CNTNAP2: variants seen among roughly 807,000 people sequenced by gnomAD.
CNTNAP2 encodes contactin-associated protein-like 2.
In CNTNAP2, 98 loss-of-function variants were observed where a neutral mutation model predicts 155.2. The ratio of observed to expected loss-of-function variants is 0.63; its 90% CI spans 0.54 to 0.75. CNTNAP2 has a LOEUF of 0.75. Ranked by LOEUF, CNTNAP2 falls within the 30% of genes least tolerant of loss-of-function variation. The probability of loss-of-function intolerance (pLI) is 0.00; values close to 1 mark genes in which losing one functional copy is unlikely to be tolerated. For synonymous variants in CNTNAP2, 651 were observed against 631.2 expected, an observed-to-expected ratio of 1.03 and a Z score of -0.47; for missense variants, 1,727 against 1,688.1, an observed-to-expected ratio of 1.02 and a Z score of -0.40.
intron 11 of CNTNAP2, among the ~76,000 whole-genome samples, chr7:147,529,123 A>G (rs1348472913): frequency 6.6e-6 from 1 of 152,234 alleles, no homozygotes; most frequent in Non-Finnish European, 1.5e-5. Flanking sequence ...TATACCCTTG[A>G]GAGCTTGTAG....
intron 11 of CNTNAP2, among the ~76,000 whole-genome samples, chr7:147,522,148 T>A (rs1799239358): frequency 6.6e-6 from 1 of 152,176 alleles, no homozygotes; most frequent in East Asian, 1.9e-4. Context: ...AGGGCACTAA[T>A]TCCACCTGTG....
At chr7:146,187,463 G>A (rs1436236545) in intron 1 of CNTNAP2, among the ~76,000 whole-genome samples, 5 of 152,142 alleles carry the variant, frequency 3.3e-5, no homozygotes, top group African/African-American at 1.2e-4. Context: ...ATACTATGTG[G>A]AAAAATTCTG....
At chr7:146,539,341 G>A (rs1797916986) in intron 1 of CNTNAP2, among the ~76,000 whole-genome samples, 1 of 151,902 alleles carries the variant, frequency 6.6e-6, no homozygotes, top group Non-Finnish European at 1.5e-5. Context: ...AAATTTGCAA[G>A]CATTTTAGCC....
intron 1 of CNTNAP2, among the ~76,000 whole-genome samples, chr7:146,731,706 T>C (rs1801528657): frequency 6.6e-6 from 1 of 152,168 alleles, no homozygotes; most frequent in Non-Finnish European, 1.5e-5. Flanking sequence ...GATAGAAGTG[T>C]GTTTTTAACG....
At chr7:146,575,649 G>A (rs1208275934) in intron 1 of CNTNAP2, among the ~76,000 whole-genome samples, 1 of 152,166 alleles carries the variant, frequency 6.6e-6, no homozygotes, top group African/African-American at 2.4e-5. Flanking sequence ...GGTGGAAAAG[G>A]CCAGATTGCC....
In CNTNAP2 at chr7:148,416,274, A is replaced by C. The variant is rs1563081102; in HGVS notation, c.*658A>C. On this transcript the variant is annotated 3_prime_UTR_variant, in exon 24 of 24. Transcript: ENST00000361727. Reference sequence around the variant, plus strand: ...CATGGCACCTGGTGTGTAACGACACAATCAGCACAACTGGAGAGAGGCATT... The same window carrying C: ...CATGGCACCTGGTGTGTAACGACACCATCAGCACAACTGGAGAGAGGCATT... 1 of 152,834 alleles carries C rather than the reference A, an allele frequency of 6.5e-6. No individual in the cohort carries two copies. The highest frequency in any genetic ancestry group is 1.5e-5 in the Non-Finnish European group (1 of 68,516). 9.5% of individuals were successfully genotyped at this position (152,834 alleles called of 1,614,324 possible).
At chr7:147,953,032 A>G (rs1006099448) in intron 14 of CNTNAP2, among the ~76,000 whole-genome samples, 7 of 152,190 alleles carry the variant, frequency 4.6e-5, no homozygotes, top group African/African-American at 1.7e-4. Context: ...TGGCGTAATG[A>G]GTTTTCCCCA....
chr7:148,320,701 T>C (rs953189473), intron 21 of CNTNAP2, among the ~76,000 whole-genome samples: 7 of 152,084 alleles, frequency 4.6e-5, no homozygotes, highest in Non-Finnish European at 8.8e-5. Flanking sequence ...AATTTTTAGG[T>C]TCCCACTATT....
intron 8 of CNTNAP2, among the ~76,000 whole-genome samples, chr7:147,156,005 G>T (rs911502053): frequency 6.6e-6 from 1 of 152,064 alleles, no homozygotes; most frequent in Non-Finnish European, 1.5e-5. Flanking sequence ...GACCATTTTT[G>T]TGGCAACACT....
intron 1 of CNTNAP2, among the ~76,000 whole-genome samples, chr7:146,216,809 T>C (rs1055735034): frequency 5.3e-5 from 8 of 152,188 alleles, no homozygotes; most frequent in African/African-American, 1.9e-4. Flanking sequence ...TATGTAAAAA[T>C]GGGATTTGTA....
intron 1 of CNTNAP2, among the ~76,000 whole-genome samples, chr7:146,593,764 A>C (rs1361315539): frequency 6.6e-6 from 1 of 152,118 alleles, no homozygotes; most frequent in Non-Finnish European, 1.5e-5. Flanking sequence ...AACTGAAAAA[A>C]GGTTTTCTTC....
chr7:147,291,451 T>C (rs1343248877), intron 8 of CNTNAP2, among the ~76,000 whole-genome samples: 1 of 152,192 alleles, frequency 6.6e-6, no homozygotes. Flanking sequence ...AAACACAATA[T>C]TTTAAAAATT....
At chr7:146,442,282 C>T (rs1293668715) in intron 1 of CNTNAP2, among the ~76,000 whole-genome samples, 3 of 151,600 alleles carry the variant, frequency 2.0e-5, no homozygotes, top group South Asian at 2.1e-4. Context: ...TTCCTTGTTT[C>T]GGGAAGTCTT....
intron 3 of CNTNAP2, among the ~76,000 whole-genome samples, chr7:146,930,946 G>A (rs1274776850): frequency 1.3e-5 from 2 of 152,142 alleles, no homozygotes; most frequent in Non-Finnish European, 2.9e-5. Context: ...CAAGTCCTGA[G>A]TGACCTACAA....
At chr7:146,171,346 A>G (rs1798387211) in intron 1 of CNTNAP2, among the ~76,000 whole-genome samples, 1 of 152,148 alleles carries the variant, frequency 6.6e-6, no homozygotes, top group Admixed American at 6.6e-5. Flanking sequence ...CTTTGAGCCT[A>G]TTTCTTTGAT....
intron 1 of CNTNAP2, among the ~76,000 whole-genome samples, chr7:146,377,774 G>A (rs964176348): frequency 6.6e-6 from 1 of 152,132 alleles, no homozygotes; most frequent in Admixed American, 6.5e-5. Flanking sequence ...TGATGTCTAA[G>A]ATTTGCCTTG....
At chr7:147,263,456 A>T (rs1294315091) in intron 8 of CNTNAP2, among the ~76,000 whole-genome samples, 2 of 152,190 alleles carry the variant, frequency 1.3e-5, no homozygotes, top group Non-Finnish European at 2.9e-5. Flanking sequence ...TTTTAAATTT[A>T]AAAAGTTACC....
intron 3 of CNTNAP2, among the ~76,000 whole-genome samples, chr7:146,996,086 G>T (rs1382926129): frequency 6.6e-6 from 1 of 151,262 alleles, no homozygotes; most frequent in Admixed American, 6.6e-5. Context: ...TTTTATATAT[G>T]GTGAGAAATA....
chr7:146,616,842 A>C (rs942063949), intron 1 of CNTNAP2, among the ~76,000 whole-genome samples: 1 of 152,216 alleles, frequency 6.6e-6, no homozygotes, highest in African/African-American at 2.4e-5. Context: ...AGATCTCTAC[A>C]CAATTATCTC....
Sources: allele counts gnomAD v4.1 joint callset (sites outside exome capture counted in the v4.1 genomes callset), GRCh38; gene constraint gnomAD v4.1.1; transcripts MANE v1.5; gene names NCBI Gene and HGNC (gene_info 2026-07-23, HGNC 2026-07-21).